The following PUS7 variants were observed in gnomAD, a reference collection of about 807,000 sequenced individuals.
PUS7 encodes pseudouridine synthase 7, also known as pseudouridylate synthase 7 homolog.
PUS7 carries 48 observed loss-of-function variants against 79.8 expected under a neutral mutation model. The ratio of observed to expected loss-of-function variants is 0.60; its 90% CI spans 0.48 to 0.76. The LOEUF (loss-of-function observed/expected upper bound fraction) is 0.76. Ranked by LOEUF, PUS7 falls within the 30% of genes least tolerant of loss-of-function variation. PUS7 has a pLI of 0.00. For missense variants in PUS7, 729 were observed against 797.6 expected (o/e 0.91, Z 1.04); for synonymous variants, 286 against 272.2 (o/e 1.05, Z -0.50).
chr7:105,514,969 T>C lies in PUS7; in HGVS notation c.-32-6425A>G, dbSNP rs1586185198. Among the ~76,000 whole-genome samples the C allele has an allele frequency of 6.6e-5, 10 of 152,122 alleles. No homozygotes were observed. The South Asian group carries it at 2.1e-3, about 32-fold the overall frequency. ...GCCACCACGCCTAGCTAATTTTTTGTATTTTTAGTTGAGACTGGGTTACAC... is the reference window on the plus strand; with the variant it reads ...GCCACCACGCCTAGCTAATTTTTTGCATTTTTAGTTGAGACTGGGTTACAC... On this transcript the variant is annotated intron_variant, in intron 1 of 15. Coordinates refer to ENST00000469408, the MANE Select transcript of PUS7 (RefSeq NM_019042.5).
At chr7:105,514,738 TAC>T (rs1164323169) in intron 1 of PUS7, among the ~76,000 whole-genome samples, 1 of 152,198 alleles carries the variant, frequency 6.6e-6, no homozygotes, top group Non-Finnish European at 1.5e-5. Context: ...TTTTTCAGAT[TAC>T]AGATTAGCTT....
chr7:105,493,058 T>A (rs1481989444), intron 6 of PUS7, among the ~76,000 whole-genome samples: 1 of 152,244 alleles, frequency 6.6e-6, no homozygotes, highest in Non-Finnish European at 1.5e-5. Flanking sequence ...CTATCCATCA[T>A]CTACAATTCA....
At chr7:105,511,385 T>C (rs1371061849) in intron 1 of PUS7, among the ~76,000 whole-genome samples, 5 of 150,680 alleles carry the variant, frequency 3.3e-5, no homozygotes, top group East Asian at 2.0e-4. Flanking sequence ...TTGCCACCTA[T>C]AGCTACTTGA....
intron 5 of PUS7, among the ~76,000 whole-genome samples, chr7:105,500,527 A>T (rs1825203983): frequency 6.6e-6 from 1 of 152,098 alleles, no homozygotes; most frequent in South Asian, 2.1e-4. Context: ...GCTTTTTCCA[A>T]CCTGCTTCCT....
intron 9 of PUS7, among the ~76,000 whole-genome samples, chr7:105,480,116 A>G (rs982298664): frequency 2.0e-5 from 3 of 152,238 alleles, no homozygotes; most frequent in Non-Finnish European, 4.4e-5. Context: ...TCTGGGTCTG[A>G]GTTACCCAAC....
intron 9 of PUS7, among the ~76,000 whole-genome samples, chr7:105,477,587 T>C: frequency 6.6e-6 from 1 of 152,048 alleles, no homozygotes; most frequent in Admixed American, 6.6e-5. Flanking sequence ...GCTGAGTTAT[T>C]CAATAATTCA....
chr7:105,520,325 G>A (rs1562827994), intron 1 of PUS7, among the ~76,000 whole-genome samples: 1 of 152,000 alleles, frequency 6.6e-6, no homozygotes, highest in Non-Finnish European at 1.5e-5. Context: ...CGGGCGTGGT[G>A]GCGGGCGCCT....
At chr7:105,500,083 T>C (rs1825186418) in intron 5 of PUS7, among the ~76,000 whole-genome samples, 1 of 152,270 alleles carries the variant, frequency 6.6e-6, no homozygotes, top group African/African-American at 2.4e-5. Flanking sequence ...GGCAGAGATT[T>C]AGTCCATCTT....
At chr7:105,515,956 C>G (rs1039772199) in intron 1 of PUS7, among the ~76,000 whole-genome samples, 1 of 151,914 alleles carries the variant, frequency 6.6e-6, no homozygotes, top group South Asian at 2.1e-4. Flanking sequence ...ATTACAGGCG[C>G]GTGCCACCAA....
chr7:105,501,270 T>C (rs534413387), intron 5 of PUS7, among the ~76,000 whole-genome samples: 130 of 152,346 alleles, frequency 8.5e-4, no homozygotes, highest in African/African-American at 3.1e-3. Flanking sequence ...CTTAGAATTT[T>C]GCCCCAAATA....
intron 1 of PUS7, among the ~76,000 whole-genome samples, chr7:105,517,456 T>C (rs550288101): frequency 9.2e-5 from 14 of 152,204 alleles, no homozygotes; most frequent in Non-Finnish European, 1.6e-4. Flanking sequence ...CCACCACGCC[T>C]GGCCAATCCT....
Position 105,470,717 on chromosome 7 carries a change from T to C in PUS7, c.1369A>G (p.Met457Val), listed in dbSNP as rs1456646363. The change falls in exon 11 of 16, where the codon ATG (methionine) becomes GTG (valine). Residue 457 changes from methionine (M) to valine (V), a missense_variant. Met to Val is a conservative substitution (Grantham distance 21). Transcript: ENST00000469408. ...QLLRGLSKYG[M>V]KNIVSAFGII... ...CCAAATGCAGAGACTATATTCTTCA[T>C]TCCATATTTTGAAAGTCCTCGAAGC... 1.2e-6 allele frequency: 2 copies of C among 1,608,916 alleles called. No individual in the cohort carries two copies. Among genetic ancestry groups the C allele is most frequent in the African/African-American group, 1.3e-5 (1 of 74,998 alleles).
intron 7 of PUS7, among the ~76,000 whole-genome samples, chr7:105,487,263 C>A (rs1824588133): frequency 6.6e-6 from 1 of 152,132 alleles, no homozygotes; most frequent in African/African-American, 2.4e-5. Flanking sequence ...CCTCTCCCTG[C>A]AGACCTCGGC....
Position 105,487,006 on chromosome 7 carries a change from G to A in PUS7, c.920+4534C>T, listed in dbSNP as rs184938364. ...ACCTCAGAGGCTGAGGTTGCAGTGA[G>A]CCGAGATTGTGCCACTTGTACTCCA... is the stretch of plus-strand genomic sequence containing the variant. On this transcript the variant is annotated intron_variant, in intron 7 of 15. Transcript: ENST00000469408. 4.8e-3 allele frequency among the ~76,000 whole-genome samples: 729 copies of A among 152,188 alleles called. 10 individuals are homozygous for A. The highest frequency in any genetic ancestry group is 5.8e-3 in the Non-Finnish European group (397 of 68,010).
At chr7:105,463,042 A>G (rs1023977697) in intron 13 of PUS7, among the ~76,000 whole-genome samples, 1 of 152,224 alleles carries the variant, frequency 6.6e-6, no homozygotes, top group Non-Finnish European at 1.5e-5. Flanking sequence ...CATTTCATCC[A>G]AAGTTGCTAA....
intron 4 of PUS7, among the ~76,000 whole-genome samples, chr7:105,503,037 C>T (rs1342726121): frequency 1.3e-5 from 2 of 152,302 alleles, no homozygotes; most frequent in South Asian, 2.1e-4. Context: ...TTGCAAATCC[C>T]GGGAGCCTGT....
intron 1 of PUS7, among the ~76,000 whole-genome samples, chr7:105,511,725 C>G (rs1157383634): frequency 6.6e-6 from 1 of 152,042 alleles, no homozygotes; most frequent in African/African-American, 2.4e-5. Context: ...GACGCCACTG[C>G]GCTCCAGCCT....
intron 15 of PUS7, among the ~76,000 whole-genome samples, chr7:105,458,396 G>A (rs1366114386): frequency 1.3e-5 from 2 of 151,574 alleles, no homozygotes; most frequent in Non-Finnish European, 2.9e-5. Context: ...GAGTAGCTGG[G>A]ATTACAGGTG....
At chr7:105,502,372 T>C (rs369742146) in intron 5 of PUS7, 48 bp downstream of exon 5, 1 of 1,609,900 alleles carries the variant, frequency 6.2e-7, no homozygotes, top group Non-Finnish European at 8.5e-7. Flanking sequence ...GAGCGGGGCC[T>C]GCCGCTCACG....
Sources: gnomAD v4.1 joint callset for allele counts (sites outside exome capture counted in the v4.1 genomes callset) on GRCh38, gnomAD v4.1.1 for gene constraint, MANE v1.5 for transcripts, NCBI Gene and HGNC (gene_info 2026-07-23, HGNC 2026-07-21) for gene names.